Variants in HLCS observed in about 807,000 individuals in gnomAD.
HLCS encodes biotin--protein ligase.
Under a neutral mutation model 75.0 loss-of-function variants are expected in HLCS, and 53 were observed. The observed-to-expected ratio is 0.71, with a 90% CI of 0.57 to 0.89. HLCS has a LOEUF of 0.89. HLCS is among the 40% of genes least tolerant of loss of function. The pLI, the probability that HLCS is intolerant of heterozygous loss-of-function variation, is 0.00. For missense variants in HLCS, 966 were observed against 1,074.0 expected (o/e 0.90, Z 1.41); for synonymous variants, 431 against 428.6 (o/e 1.01, Z -0.07).
intron 6 of HLCS, among the ~76,000 whole-genome samples, chr21:36,778,735 T>C (rs112666559): frequency 2.8e-4 from 43 of 152,356 alleles, no homozygotes; most frequent in African/African-American, 9.6e-4. Context: ...AGTAGACTTA[T>C]AGATTCTTAT....
At chr21:36,769,663 T>C (rs1170881557) in intron 6 of HLCS, among the ~76,000 whole-genome samples, 1 of 152,228 alleles carries the variant, frequency 6.6e-6, no homozygotes, top group African/African-American at 2.4e-5. Context: ...TTTTGTACTC[T>C]TGTGTTGAGT....
chr21:36,906,919 A>T (rs1441388020), intron 5 of HLCS, among the ~76,000 whole-genome samples: 2 of 152,092 alleles, frequency 1.3e-5, no homozygotes, highest in Non-Finnish European at 2.9e-5. Context: ...GATTTTTTTT[A>T]ATTTTTTTGA....
At chr21:36,896,681 G>A (rs2065023072) in intron 6 of HLCS, 179 bp downstream of exon 6, 2 of 679,352 alleles carry the variant, frequency 2.9e-6, no homozygotes, top group Non-Finnish European at 4.9e-6. Flanking sequence ...TGTGATCAAA[G>A]AACTTCAATT....
chr21:36,881,205 A>G, intron 6 of HLCS, among the ~76,000 whole-genome samples: 1 of 152,000 alleles, frequency 6.6e-6, no homozygotes. Flanking sequence ...CCTGACCTCA[A>G]GTGATCCACC....
intron 6 of HLCS, among the ~76,000 whole-genome samples, chr21:36,888,923 C>T (rs1030060417): frequency 7.2e-5 from 11 of 152,126 alleles, no homozygotes; most frequent in African/African-American, 1.9e-4. Context: ...CACCACACAT[C>T]GCTCCTATAT....
intron 6 of HLCS, among the ~76,000 whole-genome samples, chr21:36,818,613 G>A (rs993998194): frequency 1.3e-5 from 2 of 152,138 alleles, no homozygotes; most frequent in Non-Finnish European, 2.9e-5. Context: ...ATGTGCCTAC[G>A]CTGGGGGAGG....
intron 2 of HLCS, chr21:36,947,987 A>C: frequency 1.0e-6 from 1 of 985,420 alleles, no homozygotes; most frequent in Non-Finnish European, 1.2e-6. Context: ...GGAAACGCAG[A>C]GGTAAAGAAT....
chr21:36,809,500 T>C (rs2061450472), intron 6 of HLCS, among the ~76,000 whole-genome samples: 1 of 152,192 alleles, frequency 6.6e-6, no homozygotes, highest in Non-Finnish European at 1.5e-5. Flanking sequence ...ATTCTGAAAT[T>C]TTTTAGCTAT....
intron 1 of HLCS, among the ~76,000 whole-genome samples, chr21:36,989,747 G>T (rs542399299): frequency 6.6e-6 from 1 of 152,312 alleles, no homozygotes. Flanking sequence ...CTTTTTAGCG[G>T]CGAGTAGGCC....
At chr21:36,929,317 T>A (rs773068734) in intron 5 of HLCS, among the ~76,000 whole-genome samples, 12 of 152,074 alleles carry the variant, frequency 7.9e-5, no homozygotes, top group Non-Finnish European at 1.5e-4. Context: ...CAGCCCTCCA[T>A]CCCCAGGAAA....
rs2089371069 is a variant in HLCS, at chr21:36,751,661, C to T, written c.*2585G>A. Reference sequence around the variant, plus strand: ...GCACACAAATCCTTCCTACTTCCACCACTCCCTAGCAGAGTTCCCAGTGCC... The same window carrying T: ...GCACACAAATCCTTCCTACTTCCACTACTCCCTAGCAGAGTTCCCAGTGCC... On this transcript the variant is annotated 3_prime_UTR_variant, in exon 11 of 11. Transcript: ENST00000674895. The T allele has an allele frequency of 1.3e-5, 2 of 152,284 alleles. No homozygotes were observed. Among genetic ancestry groups the T allele is most frequent in the African/African-American group, 4.8e-5 (2 of 41,452 alleles). 9.4% of individuals were successfully genotyped at this position (152,284 alleles called of 1,614,324 possible). A position where few individuals can be genotyped will look rare whatever the true frequency, so the allele number is the denominator to read the frequency against.
intron 1 of HLCS, among the ~76,000 whole-genome samples, chr21:36,981,821 T>C (rs989700925): frequency 2.7e-4 from 41 of 152,274 alleles, no homozygotes; most frequent in African/African-American, 9.9e-4. Flanking sequence ...AGCAAAGACT[T>C]GCAGCCTCTC....
intron 1 of HLCS, among the ~76,000 whole-genome samples, chr21:36,983,178 C>G (rs946795853): frequency 7.5e-5 from 11 of 147,354 alleles, no homozygotes; most frequent in African/African-American, 2.4e-4. Flanking sequence ...GTCCATACAA[C>G]CTCTTTTTTA....
rs541962466 is a variant in HLCS, at chr21:36,837,577, A to C, written c.1892+59283T>G. Among the ~76,000 whole-genome samples, 8 of 152,338 alleles carry C rather than the reference A, an allele frequency of 5.3e-5. No individual in the cohort carries two copies. In the South Asian group the frequency reaches 1.5e-3, roughly 28 times the overall value. Reference sequence around the variant, plus strand: ...ACTTATCTAGTGGGTACTATTATCTATAACTCTTTAATATCAAACTCACAA... The same window carrying C: ...ACTTATCTAGTGGGTACTATTATCTCTAACTCTTTAATATCAAACTCACAA... On this transcript the variant is annotated intron_variant, in intron 6 of 10. Transcript: ENST00000674895.
intron 6 of HLCS, among the ~76,000 whole-genome samples, chr21:36,871,233 G>C (rs2063758524): frequency 6.6e-6 from 1 of 152,068 alleles, no homozygotes; most frequent in Admixed American, 6.5e-5. Flanking sequence ...AGAGAAATTA[G>C]ACCACTGGGA....
chr21:36,915,107 C>T (rs2065878654), intron 5 of HLCS, among the ~76,000 whole-genome samples: 1 of 152,224 alleles, frequency 6.6e-6, no homozygotes, highest in South Asian at 2.1e-4. Context: ...TTGCCTGTTA[C>T]CTGCCAGCCC....
chr21:36,764,021 C>T (rs1335522691), intron 8 of HLCS, among the ~76,000 whole-genome samples: 1 of 152,184 alleles, frequency 6.6e-6, no homozygotes, highest in African/African-American at 2.4e-5. Flanking sequence ...TTTAGGTCCC[C>T]AAATAACCCT....
intron 6 of HLCS, among the ~76,000 whole-genome samples, chr21:36,781,311 A>G (rs1464352797): frequency 6.6e-6 from 1 of 151,630 alleles, no homozygotes; most frequent in African/African-American, 2.4e-5. Context: ...AGTGCATTAA[A>G]TGTATAAATT....
chr21:36,834,798 C>T (rs546828828), intron 6 of HLCS, among the ~76,000 whole-genome samples: 4 of 152,344 alleles, frequency 2.6e-5, no homozygotes, highest in East Asian at 1.9e-4. Context: ...TCGTGATCCG[C>T]CTGCCTCGGC....
Sources: gnomAD v4.1 joint callset for allele counts (sites outside exome capture counted in the v4.1 genomes callset) on GRCh38, gnomAD v4.1.1 for gene constraint, MANE v1.5 for transcripts, NCBI Gene and HGNC (gene_info 2026-07-23, HGNC 2026-07-21) for gene names.